RICTOR: variants seen among roughly 807,000 people sequenced by gnomAD.
The protein encoded by RICTOR is RPTOR independent companion of MTOR complex 2, also known as rapamycin-insensitive companion of mTOR.
In RICTOR, 49 loss-of-function variants were observed where a neutral mutation model predicts 214.9. The observed-to-expected ratio is 0.23, with a 90% CI of 0.18 to 0.29. The LOEUF is 0.29. Among genes scored for constraint, RICTOR ranks in the 10% least tolerant of loss-of-function variants. The pLI, the probability that RICTOR is intolerant of heterozygous loss-of-function variation, is 1.00. For synonymous variants in RICTOR, 717 were observed against 711.3 expected (o/e 1.01, Z -0.13); for missense variants, 1,625 against 2,047.0 (o/e 0.79, Z 3.98).
chr5:38,964,309 G>A (rs1040494440), intron 16 of RICTOR, among the ~76,000 whole-genome samples: 4 of 151,662 alleles, frequency 2.6e-5, no homozygotes, highest in African/African-American at 4.8e-5. Flanking sequence ...AATTTTGTTC[G>A]TAAATTCTAT....
intron 2 of RICTOR, among the ~76,000 whole-genome samples, chr5:39,023,007 G>A (rs1255111259): frequency 6.6e-6 from 1 of 152,036 alleles, no homozygotes; most frequent in Admixed American, 6.6e-5. Context: ...CAAGAAACAT[G>A]AAGAAAACCA....
Position 38,958,534 on chromosome 5 carries a change from CATT to C in RICTOR, c.2344-18_2344-16del. Reference sequence around the variant, plus strand: ...TGAAGATTGGCCTAAAAGAGATTATCATTATTTTTTTATAATTGCACAAAAATA... The same window carrying C: ...TGAAGATTGGCCTAAAAGAGATTATCATTTTTTTATAATTGCACAAAAATA... On this transcript the variant is annotated splice_polypyrimidine_tract_variant and intron_variant, in intron 23 of 37. Transcript: ENST00000357387. The C allele has an allele frequency of 6.3e-7, 1 of 1,596,928 alleles. No individual in the cohort carries two copies. Among genetic ancestry groups the C allele is most frequent in the South Asian group, 1.1e-5 (1 of 87,998 alleles).
In RICTOR at chr5:38,948,324, T is replaced by C. The variant is rs1287551206; in HGVS notation, c.4137-883A>G. 2.0e-5 allele frequency among the ~76,000 whole-genome samples: 3 copies of C among 152,116 alleles called. No homozygotes were observed. The East Asian group carries it at 5.8e-4, about 29-fold the overall frequency. On this transcript the variant is annotated intron_variant, in intron 31 of 37. Coordinates refer to ENST00000357387, the MANE Select transcript of RICTOR (RefSeq NM_152756.5). ...AAAGAAATGCTTTCTAAATAGTAGC[T>C]ATTAACATAGCAAAAACCATGCTCC...
intron 2 of RICTOR, among the ~76,000 whole-genome samples, chr5:39,026,918 G>A (rs989641718): frequency 3.9e-5 from 6 of 152,042 alleles, no homozygotes; most frequent in African/African-American, 1.4e-4. Flanking sequence ...TGAGGCAGGA[G>A]AATCACTTGA....
intron 15 of RICTOR, among the ~76,000 whole-genome samples, chr5:38,966,418 A>G (rs1392205387): frequency 6.6e-6 from 1 of 152,266 alleles, no homozygotes; most frequent in African/African-American, 2.4e-5. Flanking sequence ...TATTTATTCC[A>G]TTTACAAAAC....
chr5:39,003,529 G>T (rs1433186129), intron 4 of RICTOR, 29 bp downstream of exon 4: 1 of 1,423,204 alleles, frequency 7.0e-7, no homozygotes, highest in Admixed American at 1.7e-5. Flanking sequence ...ATCTGAAAGG[G>T]ATGGGAGGGG....
Position 39,074,100 on chromosome 5 carries a change from C to T in RICTOR, c.97+11G>A. The T allele has an allele frequency of 1.3e-6, 2 of 1,562,658 alleles. No homozygotes were observed. Among genetic ancestry groups the T allele is most frequent in the Non-Finnish European group, 1.7e-6 (2 of 1,157,456 alleles). ...GCGCGCCCTCGCGGCGCCCGCGGCG[C>T]CCCGCGTTACCTCGGGTCAGATCCA... On this transcript the variant is annotated intron_variant, in intron 2 of 37. Coordinates refer to ENST00000357387, the MANE Select transcript of RICTOR (RefSeq NM_152756.5).
At chr5:38,995,829 T>C (rs1446313824) in intron 6 of RICTOR, among the ~76,000 whole-genome samples, 2 of 152,124 alleles carry the variant, frequency 1.3e-5, no homozygotes, top group African/African-American at 4.8e-5. Context: ...CAAATTACAA[T>C]CCTAGTGTAA....
intron 2 of RICTOR, among the ~76,000 whole-genome samples, chr5:39,046,603 ACT>A (rs1757520327): frequency 6.6e-6 from 1 of 152,000 alleles, no homozygotes; most frequent in African/African-American, 2.4e-5. Context: ...GCTTTTCAAA[ACT>A]TTTTGACTTT....
intron 7 of RICTOR, among the ~76,000 whole-genome samples, chr5:38,982,581 T>C (rs1751807212): frequency 6.6e-6 from 1 of 152,142 alleles, no homozygotes; most frequent in South Asian, 2.1e-4. Flanking sequence ...AGCTGAGTTT[T>C]GTTAAGATGA....
At position 39,000,450 on chromosome 5, in the gene RICTOR, G is replaced by C. The variant is rs191585765; in HGVS notation, c.392+2085C>G. On this transcript the variant is annotated intron_variant, in intron 5 of 37. Transcript: ENST00000357387. The stretch of plus-strand genomic sequence containing the variant: ...GCAAGGAAATTAAGTTACATATAAA[G>C]AGAACAATATATCACAAATAGTGGT... Among the ~76,000 whole-genome samples the C allele has an allele frequency of 8.0e-3, 1,211 of 151,990 alleles. 5 individuals carry two copies. Among genetic ancestry groups the C allele is most frequent in the Non-Finnish European group, 0.012 (812 of 67,810 alleles).
In RICTOR at chr5:38,938,817, T is replaced by C. The variant is rs1376004881; in HGVS notation, c.*3487A>G. ...AGATAGTAACAGTGTATTTTGTTAATGCAGAGACAATGGAGACTTCCTAAC... is the reference window on the plus strand; with the variant it reads ...AGATAGTAACAGTGTATTTTGTTAACGCAGAGACAATGGAGACTTCCTAAC... On this transcript the variant is annotated 3_prime_UTR_variant, in exon 38 of 38. Transcript: ENST00000357387. The C allele has an allele frequency of 4.3e-6, 1 of 232,976 alleles. No individual in the cohort carries two copies. Among genetic ancestry groups the C allele is most frequent in the East Asian group, 6.1e-5 (1 of 16,412 alleles). 14.4% of individuals were successfully genotyped at this position (232,976 alleles called of 1,614,324 possible).
intron 2 of RICTOR, among the ~76,000 whole-genome samples, chr5:39,068,350 T>C (rs1759050933): frequency 1.3e-5 from 2 of 152,216 alleles, no homozygotes; most frequent in African/African-American, 4.8e-5. Flanking sequence ...GTTGGTGCTT[T>C]AGACTGGCAA....
rs757425077 is a variant in RICTOR, at chr5:38,950,328, T to C, written c.3520A>G (p.Ser1174Gly). The C allele has an allele frequency of 2.5e-6, 4 of 1,613,560 alleles. No individual in the cohort carries two copies. Among genetic ancestry groups the C allele is most frequent in the Non-Finnish European group, 3.4e-6 (4 of 1,179,604 alleles). Residue 1174 changes from serine to glycine, a missense_variant, in exon 31 of 38, where the codon AGT (serine) becomes GGT (glycine). This residue lies in a region of RICTOR where 1,214 missense variants were observed against 1,470.5 expected (regional missense o/e 0.83). Transcript: ENST00000357387. Reference sequence around the variant, plus strand: ...TCATTTTCTCCAATGCTTGGTGTACTACCAGTGTCTTCAATGTGCTTATTC... The same window carrying C: ...TCATTTTCTCCAATGCTTGGTGTACCACCAGTGTCTTCAATGTGCTTATTC... Reference protein sequence around the residue: ...MGNKHIEDTGSTPSIGENDLK... With the variant: ...MGNKHIEDTGGTPSIGENDLK...
chr5:39,037,564 A>C (rs1099385), intron 2 of RICTOR, among the ~76,000 whole-genome samples: 6 of 152,108 alleles, frequency 3.9e-5, no homozygotes, highest in African/African-American at 7.2e-5. Context: ...AATTGATAGA[A>C]CGCTAGCAAG....
At chr5:38,990,137 T>TAC (rs984845115) in intron 7 of RICTOR, among the ~76,000 whole-genome samples, 6 of 152,104 alleles carry the variant, frequency 3.9e-5, no homozygotes, top group Admixed American at 2.6e-4. Flanking sequence ...GTGGCACATA[T>TAC]ACACCATGGA....
chr5:38,975,717 CATAAA>C (rs1448618764), intron 9 of RICTOR, 113 bp from the exon 10 acceptor site: 3 of 747,850 alleles, frequency 4.0e-6, no homozygotes, highest in Non-Finnish European at 4.5e-6. Flanking sequence ...AACATTTACA[CATAAA>C]ATTAAAACAA....
intron 27 of RICTOR, among the ~76,000 whole-genome samples, chr5:38,954,068 A>G: frequency 6.7e-6 from 1 of 149,924 alleles, no homozygotes; most frequent in South Asian, 2.1e-4. Context: ...ACGTAATATA[A>G]AAACACATGA....
intron 3 of RICTOR, among the ~76,000 whole-genome samples, chr5:39,009,512 A>G (rs556965047): frequency 3.0e-4 from 46 of 152,178 alleles, no homozygotes; most frequent in African/African-American, 1.1e-3. Context: ...ATAAATAACT[A>G]AAAAGAACAA....
Sources: gnomAD v4.1 joint callset for allele counts (sites outside exome capture counted in the v4.1 genomes callset) on GRCh38, gnomAD v4.1.1 for gene constraint, gnomAD v4.1.1 regional missense constraint, MANE v1.5 for transcripts, NCBI Gene and HGNC (gene_info 2026-07-23, HGNC 2026-07-21) for gene names.